Variants in DKK2 observed in about 807,000 individuals in gnomAD.
DKK2 encodes dickkopf-related protein 2.
A neutral mutation model predicts 28.1 loss-of-function variants in DKK2; 11 were observed. That is an observed-to-expected ratio of 0.39 (90% CI 0.25 to 0.65). The LOEUF is 0.65. Ranked by LOEUF, DKK2 falls within the 30% of genes least tolerant of loss-of-function variation. DKK2 has a pLI of 0.47. For missense variants in DKK2, 326 were observed against 335.5 expected (o/e 0.97, Z 0.22); for synonymous variants, 135 against 126.5 (o/e 1.07, Z -0.45).
chr4:107,013,964 G>A (rs1280708018), intron 1 of DKK2, among the ~76,000 whole-genome samples: 1 of 151,408 alleles, frequency 6.6e-6, no homozygotes, highest in Non-Finnish European at 1.5e-5. Flanking sequence ...TGCAGAGAAT[G>A]GCTACTATCA....
chr4:106,962,416 T>A (rs902240801), intron 1 of DKK2, among the ~76,000 whole-genome samples: 1 of 151,444 alleles, frequency 6.6e-6, no homozygotes, highest in Non-Finnish European at 1.5e-5. Context: ...GACAGCCAAC[T>A]GATTTTCAAT....
intron 1 of DKK2, among the ~76,000 whole-genome samples, chr4:106,949,387 ATC>A (rs1377686498): frequency 2.0e-5 from 3 of 151,996 alleles, no homozygotes; most frequent in Non-Finnish European, 1.5e-5. Flanking sequence ...ACATTTCTAG[ATC>A]TCTTCTCTGT....
chr4:106,954,364 T>C (rs1722554050), intron 1 of DKK2, among the ~76,000 whole-genome samples: 1 of 152,200 alleles, frequency 6.6e-6, no homozygotes, highest in South Asian at 2.1e-4. Context: ...ATTTTTTTCA[T>C]ATATACTATC....
chr4:106,955,920 C>A (rs1015576395), intron 1 of DKK2, among the ~76,000 whole-genome samples: 1 of 152,176 alleles, frequency 6.6e-6, no homozygotes, highest in Non-Finnish European at 1.5e-5. Flanking sequence ...GCTCCCTGAA[C>A]TCTTTTACCT....
chr4:106,928,032 T>C (rs1189346671), intron 1 of DKK2, among the ~76,000 whole-genome samples: 1 of 152,190 alleles, frequency 6.6e-6, no homozygotes, highest in Non-Finnish European at 1.5e-5. Context: ...CTGTTATTGA[T>C]AGCTGTTTAT....
intron 1 of DKK2, among the ~76,000 whole-genome samples, chr4:106,990,386 G>T (rs1261482194): frequency 6.6e-6 from 1 of 152,118 alleles, no homozygotes; most frequent in East Asian, 1.9e-4. Flanking sequence ...GGATACAGTG[G>T]TTTCACAAAC....
intron 1 of DKK2, among the ~76,000 whole-genome samples, chr4:106,939,612 C>A (rs946496749): frequency 2.0e-5 from 3 of 152,056 alleles, no homozygotes; most frequent in Admixed American, 2.0e-4. Context: ...AAACTACTTT[C>A]AAGTTCGTAT....
chr4:106,983,830 T>A (rs78426728), intron 1 of DKK2, among the ~76,000 whole-genome samples: 6 of 152,190 alleles, frequency 3.9e-5, no homozygotes, highest in African/African-American at 1.4e-4. Flanking sequence ...TAAGAAGATA[T>A]ACAGATGACA....
chr4:106,961,168 C>G (rs1239915963), intron 1 of DKK2, among the ~76,000 whole-genome samples: 1 of 151,984 alleles, frequency 6.6e-6, no homozygotes, highest in Non-Finnish European at 1.5e-5. Flanking sequence ...CTAATTTTGG[C>G]TTGACAATAT....
chr4:106,973,810 T>C (rs1033060370), intron 1 of DKK2, among the ~76,000 whole-genome samples: 1 of 152,052 alleles, frequency 6.6e-6, no homozygotes, highest in East Asian at 1.9e-4. Context: ...GTCTTTGCCC[T>C]TGCCTATGTC....
chr4:106,948,333 T>C (rs1268407692), intron 1 of DKK2, among the ~76,000 whole-genome samples: 1 of 152,150 alleles, frequency 6.6e-6, no homozygotes, highest in African/African-American at 2.4e-5. Context: ...AAATCTATGT[T>C]TCCAAGTGAT....
chr4:106,943,392 A>G (rs1013047335), intron 1 of DKK2, among the ~76,000 whole-genome samples: 1 of 152,142 alleles, frequency 6.6e-6, no homozygotes, highest in African/African-American at 2.4e-5. Flanking sequence ...AATTTGTTGC[A>G]ACAGTGGTTG....
intron 1 of DKK2, among the ~76,000 whole-genome samples, chr4:106,945,952 C>T (rs976536422): frequency 3.9e-5 from 6 of 152,248 alleles, no homozygotes; most frequent in South Asian, 4.1e-4. Flanking sequence ...AAAGTCTCCT[C>T]CTGCTAACAG....
chr4:107,010,858 C>T (rs1303445443), intron 1 of DKK2, among the ~76,000 whole-genome samples: 2 of 150,834 alleles, frequency 1.3e-5, no homozygotes, highest in Non-Finnish European at 3.0e-5. Flanking sequence ...ATTATTAATT[C>T]ATTAAAAACC....
At position 106,985,860 on chromosome 4, in the gene DKK2, AAT is replaced by A. The variant is rs1225693508; in HGVS notation, c.222+49508_222+49509del. Among the ~76,000 whole-genome samples the A allele has an allele frequency of 2.0e-4, 31 of 151,946 alleles. 1 individual carries two copies. The highest frequency in any genetic ancestry group is 7.2e-4 in the Admixed American group (11 of 15,284). ...AAGAAAAGAAAAGAAAAAGAAAAAA[AAT>A]AAGACAGGAAGGAGGGAGAGAAGAA... On this transcript the variant is annotated intron_variant, in intron 1 of 3. Coordinates refer to ENST00000285311, the MANE Select transcript of DKK2 (RefSeq NM_014421.3).
intron 1 of DKK2, among the ~76,000 whole-genome samples, chr4:106,947,540 A>G (rs767642640): frequency 2.0e-5 from 3 of 152,268 alleles, no homozygotes; most frequent in South Asian, 2.1e-4. Flanking sequence ...CTCTTGGAGC[A>G]GCCTTCCCAT....
At chr4:106,942,833 A>G (rs1309844731) in intron 1 of DKK2, among the ~76,000 whole-genome samples, 5 of 152,092 alleles carry the variant, frequency 3.3e-5, no homozygotes, top group South Asian at 2.1e-4. Flanking sequence ...TACGCTATAT[A>G]AAATCTTGCC....
At chr4:106,955,478 CT>C (rs944229277) in intron 1 of DKK2, among the ~76,000 whole-genome samples, 3 of 152,136 alleles carry the variant, frequency 2.0e-5, no homozygotes, top group African/African-American at 7.2e-5. Context: ...TGGCTAATTG[CT>C]TTCCCCCTAT....
At chr4:106,938,641 A>T (rs1313346972) in intron 1 of DKK2, among the ~76,000 whole-genome samples, 1 of 152,144 alleles carries the variant, frequency 6.6e-6, no homozygotes, top group Non-Finnish European at 1.5e-5. Context: ...TACCAAAGCC[A>T]GGCAGAGACA....
Sources: gnomAD v4.1 joint callset for allele counts (sites outside exome capture counted in the v4.1 genomes callset) on GRCh38, gnomAD v4.1.1 for gene constraint, MANE v1.5 for transcripts, NCBI Gene and HGNC (gene_info 2026-07-23, HGNC 2026-07-21) for gene names.